Variants in STON2 observed in about 807,000 individuals in gnomAD.
The protein encoded by STON2 is stonin-2.
STON2 carries 29 observed loss-of-function variants against 65.7 expected under a neutral mutation model. The ratio of observed to expected loss-of-function variants is 0.44; its 90% CI spans 0.33 to 0.60. The LOEUF (loss-of-function observed/expected upper bound fraction) is 0.60. Ranked by LOEUF, STON2 falls within the 20% of genes least tolerant of loss-of-function variation. The pLI, the probability that STON2 is intolerant of heterozygous loss-of-function variation, is 0.03. For synonymous variants in STON2, 404 were observed against 414.2 expected (o/e 0.98, Z 0.30); for missense variants, 1,054 against 1,118.1 (o/e 0.94, Z 0.82).
chr14:81,398,632 C>T (rs2140445096), intron 1 of STON2, 52 bp from the exon 2 acceptor site: 2 of 400,764 alleles, frequency 5.0e-6, no homozygotes, highest in Non-Finnish European at 8.9e-6. Flanking sequence ...CATCACATTA[C>T]ACTGAATCCA....
chr14:81,311,893 T>C (rs777181533), intron 5 of STON2, among the ~76,000 whole-genome samples: 3 of 152,252 alleles, frequency 2.0e-5, no homozygotes, highest in South Asian at 2.1e-4. Flanking sequence ...CCAATTAATA[T>C]TGCCCAATGA....
intron 2 of STON2, among the ~76,000 whole-genome samples, chr14:81,421,856 G>C (rs1901720410): frequency 6.6e-6 from 1 of 152,194 alleles, no homozygotes; most frequent in African/African-American, 2.4e-5. Context: ...CTCAGAAGAA[G>C]AGAGATGAGT....
At chr14:81,405,485 A>T (rs528019948) in intron 2 of STON2, among the ~76,000 whole-genome samples, 67 of 70,150 alleles carry the variant, frequency 9.6e-4, no homozygotes, top group Middle Eastern at 0.012. Context: ...TTGCTTGACT[A>T]TGGTTTTTAT....
intron 5 of STON2, among the ~76,000 whole-genome samples, chr14:81,289,345 G>T (rs148260441): frequency 6.6e-6 from 1 of 152,120 alleles, no homozygotes; most frequent in South Asian, 2.1e-4. Context: ...AAGGCTCACC[G>T]TTGCAATAGT....
intron 3 of STON2, among the ~76,000 whole-genome samples, chr14:81,393,695 G>C (rs1900186071): frequency 6.6e-6 from 1 of 152,222 alleles, no homozygotes; most frequent in Non-Finnish European, 1.5e-5. Context: ...TAAGTATGCA[G>C]TAAATGTATC....
At chr14:81,351,927 TTAG>T (rs1488665178) in intron 4 of STON2, among the ~76,000 whole-genome samples, 1 of 152,240 alleles carries the variant, frequency 6.6e-6, no homozygotes, top group African/African-American at 2.4e-5. Context: ...GCAGGGATTC[TTAG>T]CTTGTGCTAT....
At position 81,278,202 on chromosome 14, in the gene STON2, T is replaced by A; in HGVS notation, c.1280A>T (p.Asp427Val). Residue 427 changes from aspartate to valine, a missense_variant, in exon 6 of 8, where the codon GAT becomes GTT. Asp to Val is a radical substitution (Grantham distance 152). Transcript: ENST00000614646. ...GTGTGACTGGGTTTTGCTTGAATCA[T>A]CAAAACTGATGGCATCCTGGTAGAT... ...IVIYQDAISF[D>V]DSSKTQSHSD... 6.2e-7 allele frequency: 1 copy of A among 1,614,166 alleles called. No individual in the cohort carries two copies. The highest frequency in any genetic ancestry group is 8.5e-7 in the Non-Finnish European group (1 of 1,180,006).
chr14:81,278,055 G>A lies in STON2; in HGVS notation c.1427C>T (p.Ser476Leu), dbSNP rs1014256629. The change falls in exon 6 of 8, where the codon TCA becomes TTA. Residue 476 changes from serine to leucine, a missense_variant. Physicochemically the swap from Ser to Leu is moderately radical, Grantham distance 145. Transcript: ENST00000614646. Reference protein sequence around the residue: ...WIELDAHPPGSARSQPRDGWP... With the variant: ...WIELDAHPPGLARSQPRDGWP... The stretch of plus-strand genomic sequence containing the variant: ...CCCGTCACGAGGCTGGGACCGTGCT[G>A]ATCCAGGCGGGTGAGCATCTAGTTC... 4.3e-6 allele frequency: 7 copies of A among 1,614,088 alleles called. No individual in the cohort carries two copies. Among genetic ancestry groups the A allele is most frequent in the Middle Eastern group, 1.6e-4 (1 of 6,084 alleles).
rs1430603725 is a variant in STON2, at chr14:81,277,812, C to T, written c.1670G>A (p.Arg557Gln). The change falls in exon 6 of 8, where the codon CGG (arginine) becomes CAG (glutamine). Residue 557 changes from arginine to glutamine, a missense_variant. Coordinates refer to ENST00000614646, the MANE Select transcript of STON2 (RefSeq NM_001394390.1). ...YDENGRIHSL[R>Q]IDRVTYKEKK... The stretch of plus-strand genomic sequence containing the variant: ...CTCTTTATAGGTGACACGGTCTATC[C>T]GCAAGCTGTGGATTCTGCCATTCTC... 1.1e-5 allele frequency: 17 copies of T among 1,614,036 alleles called. No homozygotes were observed. The highest frequency in any genetic ancestry group is 3.3e-5 in the South Asian group (3 of 91,076).
intron 5 of STON2, among the ~76,000 whole-genome samples, chr14:81,300,199 G>T (rs1392825444): frequency 2.0e-5 from 3 of 151,940 alleles, no homozygotes; most frequent in South Asian, 2.1e-4. Flanking sequence ...AAGAAAAAAA[G>T]TTCTCAATAA....
intron 6 of STON2, among the ~76,000 whole-genome samples, chr14:81,271,372 T>C (rs1894584561): frequency 6.6e-6 from 1 of 152,182 alleles, no homozygotes; most frequent in Non-Finnish European, 1.5e-5. Flanking sequence ...TATATGTAAA[T>C]GACAAGGACT....
chr14:81,372,801 G>A (rs1899066216), intron 3 of STON2, among the ~76,000 whole-genome samples: 1 of 152,168 alleles, frequency 6.6e-6, no homozygotes, highest in Admixed American at 6.5e-5. Flanking sequence ...GATAATGTCA[G>A]TTCTCCTGCC....
At chr14:81,407,085 T>C (rs917113620) in intron 2 of STON2, among the ~76,000 whole-genome samples, 6 of 152,342 alleles carry the variant, frequency 3.9e-5, no homozygotes, top group Non-Finnish European at 8.8e-5. Context: ...CACCTCAGGA[T>C]AGAAAATCTT....
chr14:81,314,126 A>C (rs1206543511), intron 5 of STON2, among the ~76,000 whole-genome samples: 1 of 152,266 alleles, frequency 6.6e-6, no homozygotes, highest in African/African-American at 2.4e-5. Flanking sequence ...AAGAGATGTA[A>C]GACAAATCCT....
Position 81,267,179 on chromosome 14 carries a change from A to G in STON2, c.*1235T>C. 1.0e-6 allele frequency: 1 copy of G among 985,448 alleles called. No homozygotes were observed. 61.0% of individuals were successfully genotyped at this position (985,448 alleles called of 1,614,324 possible). A position where few individuals can be genotyped will look rare whatever the true frequency, so the allele number is the denominator to read the frequency against. On this transcript the variant is annotated 3_prime_UTR_variant, in exon 8 of 8. Transcript: ENST00000614646. ...AAATAAGAAGCAGAGGTGAGTAGGA[A>G]CGGATGAAGGAAAAGAAGATTAATT...
At chr14:81,320,633 C>T (rs1391386805) in intron 5 of STON2, among the ~76,000 whole-genome samples, 1 of 151,534 alleles carries the variant, frequency 6.6e-6, no homozygotes, top group Non-Finnish European at 1.5e-5. Context: ...TCCTCAAGAT[C>T]TCAGTCTGAA....
chr14:81,327,247 T>A lies in STON2; in HGVS notation c.572-3060A>T, dbSNP rs562914038. Among the ~76,000 whole-genome samples the A allele has an allele frequency of 2.1e-3, 313 of 152,340 alleles. 2 individuals are homozygous for A. Among genetic ancestry groups the A allele is most frequent in the African/African-American group, 7.2e-3 (300 of 41,570 alleles). The stretch of plus-strand genomic sequence containing the variant: ...CCTCTAAATATATCAAATTTTTTTT[T>A]ATACTTTGTTCAAGTCAATACTGCA... On this transcript the variant is annotated intron_variant, in intron 4 of 7. Coordinates refer to ENST00000614646, the MANE Select transcript of STON2 (RefSeq NM_001394390.1).
chr14:81,434,848 C>T (rs1461120285), intron 1 of STON2, among the ~76,000 whole-genome samples: 6 of 152,196 alleles, frequency 3.9e-5, no homozygotes, highest in Non-Finnish European at 8.8e-5. Context: ...AGAATTAAAC[C>T]AGACCACCCA....
intron 6 of STON2, among the ~76,000 whole-genome samples, chr14:81,273,475 C>G (rs1393908885): frequency 6.6e-6 from 1 of 152,170 alleles, no homozygotes; most frequent in Non-Finnish European, 1.5e-5. Flanking sequence ...TTATGCAGGA[C>G]AGAATGTTTT....
Sources: gnomAD v4.1 joint callset for allele counts (sites outside exome capture counted in the v4.1 genomes callset) on GRCh38, gnomAD v4.1.1 for gene constraint, MANE v1.5 for transcripts, NCBI Gene and HGNC (gene_info 2026-07-23, HGNC 2026-07-21) for gene names.